The following TLN2 variants were observed in gnomAD, a reference collection of about 807,000 sequenced individuals.
The protein encoded by TLN2 is talin 2.
TLN2 carries 118 observed loss-of-function variants against 294.7 expected under a neutral mutation model. The observed-to-expected ratio is 0.40, with a 90% CI of 0.34 to 0.47. The LOEUF (loss-of-function observed/expected upper bound fraction) is 0.47. TLN2 is among the 20% of genes least tolerant of loss of function. The probability of loss-of-function intolerance (pLI) is 0.84; values close to 1 mark genes in which losing one functional copy is unlikely to be tolerated. For synonymous variants in TLN2, 1,431 were observed against 1,304.5 expected, an observed-to-expected ratio of 1.10 and a Z score of -2.09; for missense variants, 3,083 against 3,282.2, an observed-to-expected ratio of 0.94 and a Z score of 1.48.
At chr15:62,651,446 A>C (rs58314602) in intron 5 of TLN2, among the ~76,000 whole-genome samples, 6,051 of 152,324 alleles carry the variant, frequency 0.04, 402 homozygotes, top group African/African-American at 0.13. Flanking sequence ...AATTTTTCAT[A>C]AGAAAATTAT....
In TLN2 at chr15:62,792,712, G is replaced by C; in HGVS notation, c.5808G>C (p.Gly1936=). The C allele has an allele frequency of 2.5e-6, 4 of 1,614,064 alleles. No individual in the cohort carries two copies. The highest frequency in any genetic ancestry group is 3.4e-6 in the Non-Finnish European group (4 of 1,180,050). Residue 1936 remains glycine (G), a synonymous_variant, in exon 46 of 59, where the codon GGG becomes GGC. Coordinates refer to ENST00000636159, the MANE Select transcript of TLN2 (RefSeq NM_015059.3). ...GTATCTTCCTGGTGCAGAAGGCAGG[G>C]GCCCTCCAGGTCTGCCCCACAGACA... ...HGCIFLVQKA[G]ALQVCPTDSY...
intron 1 of TLN2, among the ~76,000 whole-genome samples, chr15:62,583,026 C>CA (rs1182138868): frequency 6.6e-6 from 1 of 152,074 alleles, no homozygotes; most frequent in Non-Finnish European, 1.5e-5. Context: ...AAAAGGAAAA[C>CA]AAAAATTGTT....
intron 1 of TLN2, among the ~76,000 whole-genome samples, chr15:62,440,421 A>G (rs905008437): frequency 6.6e-6 from 1 of 152,114 alleles, no homozygotes; most frequent in Non-Finnish European, 1.5e-5. Flanking sequence ...TCATTGGGAG[A>G]ACAGCACTGT....
intron 1 of TLN2, among the ~76,000 whole-genome samples, chr15:62,427,305 C>T (rs2034768462): frequency 6.6e-6 from 1 of 152,148 alleles, no homozygotes; most frequent in Non-Finnish European, 1.5e-5. Context: ...GTGGGTCCAG[C>T]ACAGATCTAT....
chr15:62,572,395 C>A (rs2043952525), intron 1 of TLN2, among the ~76,000 whole-genome samples: 2 of 152,106 alleles, frequency 1.3e-5, no homozygotes, highest in Admixed American at 1.3e-4. Context: ...TGTGTGCCAC[C>A]ACACCCAGCT....
rs751855363 is a variant in TLN2 at position 62,692,950 on chromosome 15, T to G, written c.1215+9T>G. On this transcript the variant is annotated intron_variant, in intron 13 of 58. Transcript: ENST00000636159. Reference sequence around the variant, plus strand: ...ACATCATCCTGAAAAAGGTATTTTGTATTGATGCAAATTGGAAAAGCAAGA... The same window carrying G: ...ACATCATCCTGAAAAAGGTATTTTGGATTGATGCAAATTGGAAAAGCAAGA... 6.9e-6 allele frequency: 11 copies of G among 1,601,390 alleles called. No individual in the cohort carries two copies. In the African/African-American group the frequency reaches 1.2e-4, roughly 18 times the overall value.
chr15:62,785,090 CAG>C (rs1274178476), intron 45 of TLN2, among the ~76,000 whole-genome samples: 2 of 152,200 alleles, frequency 1.3e-5, no homozygotes, highest in African/African-American at 4.8e-5. Flanking sequence ...AAGTCTCTAA[CAG>C]TGCCTGCATT....
At chr15:62,585,889 C>T (rs145779969) in intron 1 of TLN2, among the ~76,000 whole-genome samples, 1 of 152,260 alleles carries the variant, frequency 6.6e-6, no homozygotes, top group Non-Finnish European at 1.5e-5. Flanking sequence ...GAGCTGTTTC[C>T]ATCATGGCAC....
chr15:62,465,650 A>T (rs530653344), intron 1 of TLN2, among the ~76,000 whole-genome samples: 1 of 152,218 alleles, frequency 6.6e-6, no homozygotes, highest in Non-Finnish European at 1.5e-5. Context: ...TTCTCTATCC[A>T]TGAAACAATG....
intron 1 of TLN2, among the ~76,000 whole-genome samples, chr15:62,414,154 A>C (rs1041437337): frequency 1.1e-4 from 9 of 80,730 alleles, no homozygotes; most frequent in Non-Finnish European, 2.2e-4. Context: ...AGTGTTAGCA[A>C]AAAAAAAAAC....
At chr15:62,443,782 G>T (rs1404316149) in intron 1 of TLN2, among the ~76,000 whole-genome samples, 1 of 152,148 alleles carries the variant, frequency 6.6e-6, no homozygotes, top group Non-Finnish European at 1.5e-5. Context: ...ACAGAGGATT[G>T]CTTGAGCCCA....
intron 1 of TLN2, among the ~76,000 whole-genome samples, chr15:62,486,426 C>G (rs529615101): frequency 7.3e-6 from 1 of 137,260 alleles, no homozygotes; most frequent in East Asian, 2.0e-4. Flanking sequence ...TCTCTTTAGT[C>G]TCTTTTAATC....
intron 2 of TLN2, among the ~76,000 whole-genome samples, 161 bp downstream of exon 2, chr15:62,589,923 C>G (rs1387489857): frequency 6.6e-6 from 1 of 152,124 alleles, no homozygotes; most frequent in Non-Finnish European, 1.5e-5. Flanking sequence ...TCCTAATATT[C>G]CCATTCCTGT....
chr15:62,464,410 C>G (rs2036991652), intron 1 of TLN2, among the ~76,000 whole-genome samples: 6 of 152,118 alleles, frequency 3.9e-5, no homozygotes, highest in Middle Eastern at 6.8e-3. Flanking sequence ...ACATCACACA[C>G]TGGGGCCTGT....
At chr15:62,766,028 CTAA>C (rs1273568463) in intron 40 of TLN2, among the ~76,000 whole-genome samples, 1 of 152,200 alleles carries the variant, frequency 6.6e-6, no homozygotes, top group Non-Finnish European at 1.5e-5. Context: ...CGCATGTCTA[CTAA>C]TTCCATCAAG....
At chr15:62,494,890 A>G (rs418984) in intron 1 of TLN2, among the ~76,000 whole-genome samples, 28,642 of 151,876 alleles carry the variant, frequency 0.19, 3,850 homozygotes, top group African/African-American at 0.38. Flanking sequence ...GCTCCTCCAG[A>G]CCTGATGCAG....
chr15:62,703,656 A>G (rs866449407), intron 19 of TLN2, among the ~76,000 whole-genome samples: 5 of 130,684 alleles, frequency 3.8e-5, no homozygotes, highest in Non-Finnish European at 6.6e-5. Flanking sequence ...CACACAGAGA[A>G]AGAGAGAGAG....
At chr15:62,635,880 G>T (rs931720875) in intron 3 of TLN2, among the ~76,000 whole-genome samples, 17 of 152,136 alleles carry the variant, frequency 1.1e-4, no homozygotes, top group Admixed American at 1.0e-3. Context: ...GCACTGTATC[G>T]ATTTCTCTAT....
At chr15:62,698,563 G>T (rs1480378806) in intron 15 of TLN2, among the ~76,000 whole-genome samples, 191 bp from the exon 16 acceptor site, 1 of 152,188 alleles carries the variant, frequency 6.6e-6, no homozygotes, top group African/African-American at 2.4e-5. Context: ...TTCATTTTGT[G>T]TTCTATTAAT....
Sources: gnomAD v4.1 joint callset for allele counts (sites outside exome capture counted in the v4.1 genomes callset) on GRCh38, gnomAD v4.1.1 for gene constraint, MANE v1.5 for transcripts, NCBI Gene and HGNC (gene_info 2026-07-23, HGNC 2026-07-21) for gene names.